EFCAB11: variants seen among roughly 807,000 people sequenced by gnomAD.
The protein encoded by EFCAB11 is EF-hand calcium binding domain 11.
EFCAB11 carries 14 observed loss-of-function variants against 23.0 expected under a neutral mutation model. That is an observed-to-expected ratio of 0.61 (90% CI 0.40 to 0.95). The LOEUF is 0.95. EFCAB11 is among the 40% of genes least tolerant of loss of function. The pLI, the probability that EFCAB11 is intolerant of heterozygous loss-of-function variation, is 0.00. For missense variants in EFCAB11, 198 were observed against 195.8 expected, an observed-to-expected ratio of 1.01 and a Z score of -0.07; for synonymous variants, 65 against 66.6, an observed-to-expected ratio of 0.98 and a Z score of 0.11.
At chr14:89,834,975 G>A (rs984457670) in intron 5 of EFCAB11, among the ~76,000 whole-genome samples, 4 of 152,190 alleles carry the variant, frequency 2.6e-5, no homozygotes, top group Non-Finnish European at 4.4e-5. Flanking sequence ...GCTGAAGAAA[G>A]TTAGCCATCA....
intron 5 of EFCAB11, chr14:89,923,741 T>A: frequency 2.0e-6 from 2 of 985,430 alleles, no homozygotes; most frequent in Non-Finnish European, 2.4e-6. Context: ...TGAAGTTGCA[T>A]GATCATACAC....
chr14:89,876,764 C>T (rs1292386727), intron 5 of EFCAB11, among the ~76,000 whole-genome samples: 4 of 152,210 alleles, frequency 2.6e-5, no homozygotes, highest in Non-Finnish European at 5.9e-5. Flanking sequence ...AAGGTCCTTG[C>T]CTGCAGGACA....
At chr14:89,811,999 T>G (rs187590933) in intron 5 of EFCAB11, among the ~76,000 whole-genome samples, 11 of 152,314 alleles carry the variant, frequency 7.2e-5, no homozygotes, top group Admixed American at 2.0e-4. Context: ...TGATCTTTAT[T>G]TTACCTTTCG....
At chr14:89,872,062 A>T (rs1888289134) in intron 5 of EFCAB11, among the ~76,000 whole-genome samples, 1 of 152,228 alleles carries the variant, frequency 6.6e-6, no homozygotes, top group African/African-American at 2.4e-5. Flanking sequence ...TGTAAATTTT[A>T]TCATCCATCC....
At chr14:89,810,652 A>G (rs1345263909) in intron 5 of EFCAB11, among the ~76,000 whole-genome samples, 1 of 151,324 alleles carries the variant, frequency 6.6e-6, no homozygotes, top group East Asian at 1.9e-4. Context: ...GCTACTTAGG[A>G]GGCTGAGGCA....
At chr14:89,911,606 C>T (rs1422262176) in intron 5 of EFCAB11, among the ~76,000 whole-genome samples, 2 of 152,222 alleles carry the variant, frequency 1.3e-5, no homozygotes, top group Non-Finnish European at 2.9e-5. Context: ...CCTGTAAATA[C>T]TTCTCAGCCA....
intron 5 of EFCAB11, among the ~76,000 whole-genome samples, chr14:89,926,085 G>C (rs1279921488): frequency 6.6e-6 from 1 of 152,044 alleles, no homozygotes; most frequent in Non-Finnish European, 1.5e-5. Context: ...CAAAGTGTTG[G>C]ATTACAGGCA....
intron 5 of EFCAB11, among the ~76,000 whole-genome samples, chr14:89,809,652 G>A (rs1435205110): frequency 6.6e-6 from 1 of 152,188 alleles, no homozygotes; most frequent in Non-Finnish European, 1.5e-5. Flanking sequence ...CAGTCACCAA[G>A]TGCAGAAGTG....
intron 1 of EFCAB11, 163 bp downstream of exon 1, chr14:89,954,416 GGGAGCCA>G: frequency 6.5e-7 from 1 of 1,536,566 alleles, no homozygotes. Flanking sequence ...GTCCTGGACG[GGGAGCCA>G]GGAGCCCTGC....
intron 5 of EFCAB11, among the ~76,000 whole-genome samples, chr14:89,891,316 T>A (rs1353757838): frequency 6.6e-6 from 1 of 152,146 alleles, no homozygotes; most frequent in African/African-American, 2.4e-5. Flanking sequence ...TAAAAATAAA[T>A]AACTTGAAGT....
chr14:89,878,559 TATC>T (rs1888510681), intron 5 of EFCAB11, among the ~76,000 whole-genome samples: 1 of 152,190 alleles, frequency 6.6e-6, no homozygotes, highest in African/African-American at 2.4e-5. Flanking sequence ...AGATTTGTTT[TATC>T]ATACTGTATT....
chr14:89,930,638 T>G (rs967765585), intron 5 of EFCAB11, among the ~76,000 whole-genome samples: 1 of 152,206 alleles, frequency 6.6e-6, no homozygotes, highest in African/African-American at 2.4e-5. Flanking sequence ...GCAACCATCT[T>G]GAAGCAAGAG....
At chr14:89,900,177 G>A (rs1889297662) in intron 5 of EFCAB11, among the ~76,000 whole-genome samples, 1 of 151,964 alleles carries the variant, frequency 6.6e-6, no homozygotes. Context: ...GATCAATGTG[G>A]ATAATTCCTA....
intron 5 of EFCAB11, among the ~76,000 whole-genome samples, chr14:89,891,019 G>C (rs1207219600): frequency 1.3e-5 from 2 of 152,232 alleles, no homozygotes; most frequent in Admixed American, 1.3e-4. Flanking sequence ...CTCACTGGGA[G>C]AGTCCCTGGG....
At chr14:89,854,722 T>C (rs2140142930) in intron 5 of EFCAB11, among the ~76,000 whole-genome samples, 1 of 152,236 alleles carries the variant, frequency 6.6e-6, no homozygotes, top group East Asian at 1.9e-4. Flanking sequence ...CCTCCTCCCC[T>C]GTCCCCTGCC....
intron 5 of EFCAB11, among the ~76,000 whole-genome samples, chr14:89,891,866 C>T (rs1888977740): frequency 6.6e-6 from 1 of 152,022 alleles, no homozygotes; most frequent in South Asian, 2.1e-4. Flanking sequence ...CAAGACGTCG[C>T]TGCTGCGGAG....
At chr14:89,893,786 A>AACAAAC (rs1555375055) in intron 5 of EFCAB11, among the ~76,000 whole-genome samples, 1 of 151,180 alleles carries the variant, frequency 6.6e-6, no homozygotes, top group African/African-American at 2.4e-5. Context: ...CCAAAAAAAA[A>AACAAAC]AAACAAACAA....
At chr14:89,891,558 T>C (rs1888964363) in intron 5 of EFCAB11, among the ~76,000 whole-genome samples, 1 of 152,192 alleles carries the variant, frequency 6.6e-6, no homozygotes, top group African/African-American at 2.4e-5. Flanking sequence ...ATTTTATTTA[T>C]ATTAAAATAG....
At chr14:89,848,849 C>T (rs4430676) in intron 5 of EFCAB11, 96,140 of 151,602 alleles carry the variant, frequency 0.63, 32,912 homozygotes, top group Non-Finnish European at 0.79. Context: ...ATCACTTGAA[C>T]GCGGAAGGTG....
Sources: allele counts gnomAD v4.1 joint callset (sites outside exome capture counted in the v4.1 genomes callset), GRCh38; gene constraint gnomAD v4.1.1; transcripts MANE v1.5; gene names NCBI Gene and HGNC (gene_info 2026-07-23, HGNC 2026-07-21).